Variants in ATP6V1H observed in about 807,000 individuals in gnomAD.
The protein encoded by ATP6V1H is V-type proton ATPase subunit H.
ATP6V1H carries 39 observed loss-of-function variants against 71.7 expected under a neutral mutation model. The observed-to-expected ratio is 0.54, with a 90% CI of 0.42 to 0.71. The LOEUF is 0.71. ATP6V1H is among the 30% of genes least tolerant of loss of function. The pLI is 0.00. For missense variants in ATP6V1H, 509 were observed against 594.9 expected, an observed-to-expected ratio of 0.86 and a Z score of 1.50; for synonymous variants, 192 against 199.3, an observed-to-expected ratio of 0.96 and a Z score of 0.31.
chr8:53,769,239 C>A (rs1461093554), intron 11 of ATP6V1H, among the ~76,000 whole-genome samples: 2 of 152,072 alleles, frequency 1.3e-5, no homozygotes, highest in Non-Finnish European at 2.9e-5. Context: ...ACTAGCCATA[C>A]AGGGAAAGAC....
chr8:53,771,766 C>T (rs554753131), intron 10 of ATP6V1H, among the ~76,000 whole-genome samples: 2 of 152,236 alleles, frequency 1.3e-5, no homozygotes, highest in South Asian at 4.2e-4. Flanking sequence ...AGAGTTTAGA[C>T]GGCAGAAAAC....
At chr8:53,768,045 T>C (rs1253815899) in intron 11 of ATP6V1H, among the ~76,000 whole-genome samples, 2 of 152,320 alleles carry the variant, frequency 1.3e-5, no homozygotes, top group African/African-American at 2.4e-5. Context: ...TATATGATCT[T>C]GGACCTGTAT....
intron 2 of ATP6V1H, among the ~76,000 whole-genome samples, chr8:53,834,568 G>C (rs1358385598): frequency 6.6e-6 from 1 of 152,142 alleles, no homozygotes; most frequent in Non-Finnish European, 1.5e-5. Context: ...TGGGACTACA[G>C]GCCCATGCCA....
chr8:53,783,052 C>G lies in ATP6V1H; in HGVS notation c.871-10885G>C, dbSNP rs1196143012. Among the ~76,000 whole-genome samples the G allele has an allele frequency of 1.8e-4, 28 of 152,052 alleles. 1 individual carries two copies. The highest frequency in any genetic ancestry group is 5.9e-4 in the Admixed American group (9 of 15,256). ...GCTTTGGTATCAGGATGATGCTGGC[C>G]TCATAAAATGAGTTAGGGAGGATTC... On this transcript the variant is annotated intron_variant, in intron 9 of 13. Transcript: ENST00000359530.
At chr8:53,777,903 T>C (rs1808951233) in intron 9 of ATP6V1H, among the ~76,000 whole-genome samples, 1 of 152,192 alleles carries the variant, frequency 6.6e-6, no homozygotes, top group South Asian at 2.1e-4. Flanking sequence ...AAAAAAGAAC[T>C]GTAGATATCA....
chr8:53,719,241 G>T (rs1311885874), intron 13 of ATP6V1H, among the ~76,000 whole-genome samples: 3 of 152,100 alleles, frequency 2.0e-5, no homozygotes, highest in Non-Finnish European at 4.4e-5. Flanking sequence ...TGTGATCTCA[G>T]CTCACTGCAA....
At chr8:53,828,936 T>C (rs1043156781) in intron 4 of ATP6V1H, among the ~76,000 whole-genome samples, 4 of 152,188 alleles carry the variant, frequency 2.6e-5, no homozygotes, top group African/African-American at 9.7e-5. Context: ...AGGCCTCTCC[T>C]TTATTCATAA....
At position 53,835,402 on chromosome 8, in the gene ATP6V1H, C is replaced by T. The variant is rs187246581; in HGVS notation, c.114-2316G>A. ...GCCTGGGAAGGTGAGGCACTCAGAA[C>T]TGTCCCCTCCCCAAGAGAAGGGACC... is the stretch of plus-strand genomic sequence containing the variant. On this transcript the variant is annotated intron_variant, in intron 2 of 13. Coordinates refer to ENST00000359530, the MANE Select transcript of ATP6V1H (RefSeq NM_015941.4). Among the ~76,000 whole-genome samples the T allele has an allele frequency of 2.0e-4, 30 of 152,348 alleles. No individual in the cohort carries two copies. The East Asian group carries it at 5.4e-3, about 27-fold the overall frequency.
At chr8:53,738,518 T>C (rs1203084513) in intron 13 of ATP6V1H, among the ~76,000 whole-genome samples, 3 of 152,224 alleles carry the variant, frequency 2.0e-5, no homozygotes, top group Admixed American at 2.0e-4. Flanking sequence ...AGGTACCTGT[T>C]TGTCTACAAA....
At position 53,791,025 on chromosome 8, in the gene ATP6V1H, T is replaced by G. The variant is rs78555703; in HGVS notation, c.870+4622A>C. ...TAGATGCTTAATTTACACTAAAAGA[T>G]TTTGGCAAAATAAAGGCTCCTGTGA... is the stretch of plus-strand genomic sequence containing the variant. On this transcript the variant is annotated intron_variant, in intron 9 of 13. Coordinates refer to ENST00000359530, the MANE Select transcript of ATP6V1H (RefSeq NM_015941.4). 3.2e-3 allele frequency among the ~76,000 whole-genome samples: 491 copies of G among 152,016 alleles called. 3 individuals are homozygous for G. Among genetic ancestry groups the G allele is most frequent in the African/African-American group, 0.011 (470 of 41,440 alleles).
chr8:53,757,990 G>A (rs1420193688), intron 11 of ATP6V1H, among the ~76,000 whole-genome samples: 1 of 152,254 alleles, frequency 6.6e-6, no homozygotes, highest in Non-Finnish European at 1.5e-5. Context: ...ACTATGGCCT[G>A]CTGACCCTAG....
rs1809710102 is a variant in ATP6V1H, at chr8:53,795,828, A to C, written c.689T>G (p.Val230Gly). 6.2e-7 allele frequency: 1 copy of C among 1,600,084 alleles called. No individual in the cohort carries two copies. Among genetic ancestry groups the C allele is most frequent in the Admixed American group, 1.8e-5 (1 of 55,440 alleles). ...EADGVNCIMG[V>G]LSNKCGFQLQ... ...CTGAAAGCCACACTTGTTACTCAAC[A>C]CTCCCATTATGCTGAAAAACAAACA... Residue 230 changes from valine (V) to glycine (G), a missense_variant, in exon 9 of 14, where the codon GTG becomes GGG. Physicochemically the swap from Val to Gly is moderately radical, Grantham distance 109. Transcript: ENST00000359530.
intron 13 of ATP6V1H, among the ~76,000 whole-genome samples, chr8:53,735,486 G>C (rs899497503): frequency 5.9e-5 from 9 of 152,128 alleles, no homozygotes; most frequent in African/African-American, 2.2e-4. Context: ...AATATTGCCA[G>C]GAAATTCATT....
chr8:53,796,074 TGC>T (rs1809720814), intron 8 of ATP6V1H, among the ~76,000 whole-genome samples: 1 of 151,952 alleles, frequency 6.6e-6, no homozygotes, highest in East Asian at 1.9e-4. Context: ...GCTCCTGCTG[TGC>T]GGCAAGAAGA....
chr8:53,795,951 T>C, intron 8 of ATP6V1H, 112 bp from the exon 9 acceptor site: 1 of 952,204 alleles, frequency 1.1e-6, no homozygotes, highest in Non-Finnish European at 1.5e-6. Flanking sequence ...TTATGTCCTG[T>C]TTCTTTTCTG....
chr8:53,830,900 C>T (rs988186366), intron 3 of ATP6V1H, among the ~76,000 whole-genome samples: 3 of 152,092 alleles, frequency 2.0e-5, no homozygotes, highest in Non-Finnish European at 4.4e-5. Flanking sequence ...ATTGCACATG[C>T]GGTTGGGGTG....
chr8:53,772,169 TG>T lies in ATP6V1H; in HGVS notation c.871-3del, dbSNP rs747575401. 3 of 1,607,454 alleles carry T rather than the reference TG, an allele frequency of 1.9e-6. No homozygotes were observed. Among genetic ancestry groups the T allele is most frequent in the Admixed American group, 3.4e-5 (2 of 59,276 alleles). On this transcript the variant is annotated splice_region_variant and splice_polypyrimidine_tract_variant and intron_variant, in intron 9 of 13. Transcript: ENST00000359530. ...TTCAGTTGATTTTTCTAAAAAGTTC[TG>T]GGTTAGACAAAGTGATAGTGAGAAA...
chr8:53,818,525 A>G (rs1009082516), intron 4 of ATP6V1H, among the ~76,000 whole-genome samples: 2 of 152,212 alleles, frequency 1.3e-5, no homozygotes, highest in Admixed American at 6.5e-5. Context: ...ATTGTTTAGA[A>G]TAACAATTGA....
intron 4 of ATP6V1H, among the ~76,000 whole-genome samples, chr8:53,820,837 C>T (rs1309221893): frequency 6.6e-6 from 1 of 151,548 alleles, no homozygotes; most frequent in Non-Finnish European, 1.5e-5. Context: ...CAAAAATTAG[C>T]CAGGCGTGGT....
Sources: allele counts gnomAD v4.1 joint callset (sites outside exome capture counted in the v4.1 genomes callset), GRCh38; gene constraint gnomAD v4.1.1; transcripts MANE v1.5; gene names NCBI Gene and HGNC (gene_info 2026-07-23, HGNC 2026-07-21).